The following C8orf34 variants were observed in gnomAD, a reference collection of about 807,000 sequenced individuals.
The protein encoded by C8orf34 is chromosome 8 open reading frame 34.
In C8orf34, 65 loss-of-function variants were observed where a neutral mutation model predicts 68.3. The ratio of observed to expected loss-of-function variants is 0.95; its 90% CI spans 0.78 to 1.17. C8orf34 has a LOEUF of 1.17. Ranked by LOEUF, C8orf34 falls within the 50% of genes most tolerant of loss-of-function variation. C8orf34 has a pLI of 0.00. For missense variants in C8orf34, 664 were observed against 655.4 expected (o/e 1.01, Z -0.14); for synonymous variants, 244 against 241.2 (o/e 1.01, Z -0.11).
chr8:68,631,600 G>C (rs1440098870), intron 7 of C8orf34, among the ~76,000 whole-genome samples: 4 of 152,086 alleles, frequency 2.6e-5, no homozygotes, highest in Admixed American at 2.6e-4. Flanking sequence ...AAGTACTATT[G>C]ATATTGTTTG....
intron 1 of C8orf34, among the ~76,000 whole-genome samples, chr8:68,359,984 C>T (rs573420111): frequency 6.6e-6 from 1 of 152,122 alleles, no homozygotes; most frequent in African/African-American, 2.4e-5. Flanking sequence ...ATTTGAAGGA[C>T]ATTTCATGGA....
intron 1 of C8orf34, among the ~76,000 whole-genome samples, chr8:68,353,720 CA>C (rs887303000): frequency 8.1e-5 from 12 of 148,486 alleles, no homozygotes; most frequent in Admixed American, 3.4e-4. Context: ...GAAAATATTG[CA>C]AAAAAAATTG....
intron 8 of C8orf34, among the ~76,000 whole-genome samples, chr8:68,665,116 A>G (rs747353730): frequency 1.8e-4 from 27 of 152,220 alleles, no homozygotes; most frequent in Non-Finnish European, 2.9e-4. Context: ...GAAGTTTGGG[A>G]AAAAAATCAT....
At chr8:68,776,511 C>CG in intron 11 of C8orf34, 62 bp downstream of exon 11, 1 of 1,296,220 alleles carries the variant, frequency 7.7e-7, no homozygotes, top group South Asian at 1.2e-5. Flanking sequence ...GGATGAAGCA[C>CG]TCACTTAGGC....
chr8:68,723,924 T>A (rs1169673841), intron 10 of C8orf34, among the ~76,000 whole-genome samples: 2 of 152,200 alleles, frequency 1.3e-5, no homozygotes, highest in Admixed American at 1.3e-4. Context: ...AAAAGTTTGT[T>A]ATAGGTCAAC....
At chr8:68,689,428 C>T (rs899934087) in intron 8 of C8orf34, among the ~76,000 whole-genome samples, 12 of 151,978 alleles carry the variant, frequency 7.9e-5, no homozygotes, top group Admixed American at 4.6e-4. Flanking sequence ...TGAAAAATAA[C>T]GCTTAAAAAA....
intron 3 of C8orf34, among the ~76,000 whole-genome samples, chr8:68,462,705 A>T (rs1299661542): frequency 5.9e-5 from 9 of 152,174 alleles, no homozygotes; most frequent in Admixed American, 2.6e-4. Flanking sequence ...GGTACATAAC[A>T]AAATGAAGGC....
At chr8:68,743,855 C>CT (rs1310009796) in intron 10 of C8orf34, among the ~76,000 whole-genome samples, 5 of 151,734 alleles carry the variant, frequency 3.3e-5, no homozygotes, top group African/African-American at 1.2e-4. Context: ...AAAGCAGCCC[C>CT]GGAGCTGGAA....
intron 1 of C8orf34, among the ~76,000 whole-genome samples, chr8:68,333,242 T>G (rs867541764): frequency 2.8e-4 from 43 of 152,302 alleles, no homozygotes; most frequent in African/African-American, 8.7e-4. Flanking sequence ...CAGCAAGTTA[T>G]GCGCTGAAGA....
At chr8:68,570,395 GAGTAATGC>G (rs1816727448) in intron 7 of C8orf34, among the ~76,000 whole-genome samples, 1 of 152,194 alleles carries the variant, frequency 6.6e-6, no homozygotes, top group Non-Finnish European at 1.5e-5. Context: ...AACCTAGATA[GAGTAATGC>G]AGTGATTGTG....
chr8:68,617,146 T>A (rs1246026917), intron 7 of C8orf34, among the ~76,000 whole-genome samples: 1 of 152,176 alleles, frequency 6.6e-6, no homozygotes, highest in East Asian at 1.9e-4. Flanking sequence ...GCTTGGTAGA[T>A]CTTCCTCCAT....
At chr8:68,606,025 C>G (rs1164929620) in intron 7 of C8orf34, among the ~76,000 whole-genome samples, 1 of 152,054 alleles carries the variant, frequency 6.6e-6, no homozygotes, top group Non-Finnish European at 1.5e-5. Flanking sequence ...GAACATAATA[C>G]TGCTCTAAAA....
At chr8:68,721,297 T>C in intron 9 of C8orf34, 64 bp from the exon 10 acceptor site, 2 of 1,047,262 alleles carry the variant, frequency 1.9e-6, no homozygotes, top group Admixed American at 2.1e-5. Context: ...AACAGGTTTA[T>C]ATATCAGAGA....
intron 1 of C8orf34, among the ~76,000 whole-genome samples, chr8:68,422,604 C>T (rs1810028540): frequency 6.6e-6 from 1 of 152,180 alleles, no homozygotes; most frequent in African/African-American, 2.4e-5. Context: ...GAACACAGTG[C>T]CAACTGTTGG....
At chr8:68,496,617 A>C (rs565195899) in intron 5 of C8orf34, among the ~76,000 whole-genome samples, 1 of 152,286 alleles carries the variant, frequency 6.6e-6, no homozygotes, top group Non-Finnish European at 1.5e-5. Flanking sequence ...CTCACTAAGT[A>C]CACCCATGGA....
At chr8:68,807,802 A>G (rs1332209966) in intron 12 of C8orf34, among the ~76,000 whole-genome samples, 1 of 152,236 alleles carries the variant, frequency 6.6e-6, no homozygotes, top group East Asian at 1.9e-4. Context: ...GAAACTAACA[A>G]TCTGAGATTA....
intron 8 of C8orf34, among the ~76,000 whole-genome samples, chr8:68,679,086 G>C (rs1372650865): frequency 4.6e-5 from 7 of 151,928 alleles, no homozygotes; most frequent in African/African-American, 1.7e-4. Context: ...TGATCACAAG[G>C]TCAGGAGATC....
chr8:68,640,413 C>G lies in C8orf34; in HGVS notation c.1143C>G (p.Thr381=). The G allele has an allele frequency of 6.2e-7, 1 of 1,613,544 alleles. No homozygotes were observed. ...LNDLRMEGVT[T]LVPSGSKFNQ... Reference sequence around the variant, plus strand: ...ATTTAAGAATGGAGGGAGTAACAACCCTGGTACCTTCTGGGAGCAAATTTA... The same window carrying G: ...ATTTAAGAATGGAGGGAGTAACAACGCTGGTACCTTCTGGGAGCAAATTTA... Residue 381 remains threonine, a synonymous_variant, in exon 8 of 14, where the codon ACC becomes ACG. Transcript: ENST00000518698.
chr8:68,482,221 T>C (rs1245278372), intron 4 of C8orf34, among the ~76,000 whole-genome samples: 2 of 152,302 alleles, frequency 1.3e-5, no homozygotes, highest in East Asian at 3.9e-4. Context: ...CTTCTAAGAA[T>C]TGCCTTTTGT....
Sources: allele counts gnomAD v4.1 joint callset (sites outside exome capture counted in the v4.1 genomes callset), GRCh38; gene constraint gnomAD v4.1.1; transcripts MANE v1.5; gene names NCBI Gene and HGNC (gene_info 2026-07-23, HGNC 2026-07-21).